Variants in SKI observed in about 807,000 individuals in gnomAD.
The protein encoded by SKI is SKI proto-oncogene.
A neutral mutation model predicts 59.3 loss-of-function variants in SKI; 23 were observed. The observed-to-expected ratio is 0.39, with a 90% CI of 0.28 to 0.55. The LOEUF is 0.55. SKI is among the 20% of genes least tolerant of loss of function. The pLI is 0.67. For synonymous variants in SKI, 673 were observed against 488.6 expected (o/e 1.38, Z -4.98); for missense variants, 1,017 against 1,038.9 (o/e 0.98, Z 0.29).
At chr1:2,239,470 G>A (rs1276136898) in intron 1 of SKI, among the ~76,000 whole-genome samples, 4 of 152,244 alleles carry the variant, frequency 2.6e-5, no homozygotes, top group Non-Finnish European at 4.4e-5. Flanking sequence ...TTGAGCTCCC[G>A]TTGGGGGAAC....
At chr1:2,262,733 T>C (rs1282737237) in intron 1 of SKI, among the ~76,000 whole-genome samples, 1 of 152,228 alleles carries the variant, frequency 6.6e-6, no homozygotes, top group Non-Finnish European at 1.5e-5. Context: ...TGTTTTTTTT[T>C]CTTAATTTAT....
intron 1 of SKI, among the ~76,000 whole-genome samples, chr1:2,241,583 C>T (rs1036156181): frequency 2.6e-5 from 4 of 152,140 alleles, no homozygotes; most frequent in African/African-American, 7.2e-5. Context: ...TTAGTAGAGA[C>T]GGGGTTTTAC....
Position 2,306,947 on chromosome 1 carries a change from C to T in SKI, c.*182C>T, listed in dbSNP as rs1640605706. The T allele has an allele frequency of 7.8e-6, 3 of 383,232 alleles. No individual in the cohort carries two copies. The highest frequency in any genetic ancestry group is 6.5e-5 in the South Asian group (1 of 15,336). The allele number at this position is 383,232 out of a possible 1,614,324, so 23.7% of individuals were successfully genotyped here. A position where few individuals can be genotyped will look rare whatever the true frequency, so the allele number is the denominator to read the frequency against. Reference sequence around the variant, plus strand: ...AACCCACTGCAAAATTTTCTACTGGCCAAGTTCAAGTGAGTAAGCCGCGTC... The same window carrying T: ...AACCCACTGCAAAATTTTCTACTGGTCAAGTTCAAGTGAGTAAGCCGCGTC... On this transcript the variant is annotated 3_prime_UTR_variant, in exon 7 of 7. Coordinates refer to ENST00000378536, the MANE Select transcript of SKI (RefSeq NM_003036.4).
intron 1 of SKI, among the ~76,000 whole-genome samples, chr1:2,290,478 C>T (rs1246765413): frequency 6.6e-6 from 1 of 152,166 alleles, no homozygotes; most frequent in Admixed American, 6.5e-5. Flanking sequence ...AGATGAGGCC[C>T]CAGGGCCTTT....
intron 1 of SKI, among the ~76,000 whole-genome samples, chr1:2,265,564 G>A (rs1170527946): frequency 6.6e-6 from 1 of 152,174 alleles, no homozygotes; most frequent in Non-Finnish European, 1.5e-5. Flanking sequence ...TGTCAATTCT[G>A]GTTGTTTGCG....
intron 1 of SKI, among the ~76,000 whole-genome samples, chr1:2,276,033 T>A (rs1639735292): frequency 6.6e-6 from 1 of 152,158 alleles, no homozygotes; most frequent in South Asian, 2.1e-4. Context: ...TTGAGCAATC[T>A]CCTTGTGCTC....
Position 2,228,951 on chromosome 1 carries a change from C to A in SKI, c.185C>A (p.Ala62Glu). The change falls in exon 1 of 7, where the codon GCG (alanine) becomes GAG (glutamate). Residue 62 changes from alanine to glutamate, a missense_variant. By Grantham distance (107) the Ala-to-Glu change is moderately radical. Transcript: ENST00000378536. ...AKEAGAAAVP[A>E]PVPAATEPPP... ...GAGGCGGGCGCGGCCGCGGTGCCGG[C>A]GCCGGTGCCCGCAGCCACCGAGCCG... 1 of 1,396,836 alleles carries A rather than the reference C, an allele frequency of 7.2e-7. No individual in the cohort carries two copies. The highest frequency in any genetic ancestry group is 1.5e-5 in the South Asian group (1 of 67,828). 86.5% of individuals were successfully genotyped at this position (1,396,836 alleles called of 1,614,324 possible).
intron 1 of SKI, among the ~76,000 whole-genome samples, chr1:2,235,871 C>T (rs184039929): frequency 1.4e-4 from 21 of 152,314 alleles, no homozygotes; most frequent in Middle Eastern, 3.4e-3. Flanking sequence ...TGTGTCCTGC[C>T]GGCCGCCTAG....
rs1052172599 is a variant in SKI at position 2,268,832 on chromosome 1, C to G, written c.970-34146C>G. ...CAGAGAGCCCCAGCTGCTGTGCTGC[C>G]GTATTCTGATTCCTTCTTCCCTCCC... is the stretch of plus-strand genomic sequence containing the variant. On this transcript the variant is annotated intron_variant, in intron 1 of 6. Transcript: ENST00000378536. This position sits in a 1 kb window ranked among gnomAD's most constrained non-coding sequence, Gnocchi z 5.0. Among the ~76,000 whole-genome samples the G allele has an allele frequency of 6.6e-6, 1 of 152,158 alleles. No homozygotes were observed. Among genetic ancestry groups the G allele is most frequent in the Non-Finnish European group, 1.5e-5 (1 of 68,020 alleles).
At chr1:2,296,011 C>T (rs888953139) in intron 1 of SKI, among the ~76,000 whole-genome samples, 3 of 152,182 alleles carry the variant, frequency 2.0e-5, no homozygotes, top group Non-Finnish European at 4.4e-5. Context: ...TTTTCCACAG[C>T]AGCTAAATAA....
chr1:2,273,228 T>G (rs1557832744), intron 1 of SKI, among the ~76,000 whole-genome samples: 2 of 152,168 alleles, frequency 1.3e-5, no homozygotes, highest in Non-Finnish European at 2.9e-5. Flanking sequence ...CCCCTCCTCC[T>G]TCCCACTGGC....
At chr1:2,284,607 C>T (rs917300996) in intron 1 of SKI, among the ~76,000 whole-genome samples, 17 of 152,262 alleles carry the variant, frequency 1.1e-4, no homozygotes, top group Middle Eastern at 3.4e-3. Flanking sequence ...AAGCTCACAC[C>T]GGCCCAGAGG....
intron 1 of SKI, among the ~76,000 whole-genome samples, chr1:2,245,245 C>A (rs1193033783): frequency 6.6e-6 from 1 of 152,270 alleles, no homozygotes; most frequent in East Asian, 1.9e-4. Context: ...CGCAGCCATG[C>A]GTAGCCTGTG....
At chr1:2,300,688 G>T (rs888553399) in intron 1 of SKI, among the ~76,000 whole-genome samples, 9 of 152,224 alleles carry the variant, frequency 5.9e-5, no homozygotes, top group African/African-American at 2.2e-4. Context: ...ATGCTGCAGA[G>T]AGCCCGCCCT....
chr1:2,237,399 GTCT>G (rs992050780), intron 1 of SKI, among the ~76,000 whole-genome samples: 8 of 152,170 alleles, frequency 5.3e-5, no homozygotes, highest in East Asian at 1.9e-4. Flanking sequence ...TTTGATGTCA[GTCT>G]TCTTCTACAG....
At chr1:2,230,447 C>T (rs1284691220) in intron 1 of SKI, among the ~76,000 whole-genome samples, 3 of 152,322 alleles carry the variant, frequency 2.0e-5, no homozygotes, top group East Asian at 1.9e-4. Context: ...ATTTGGCACC[C>T]GGCTGAGGGG....
At chr1:2,271,215 G>A (rs1374816785) in intron 1 of SKI, among the ~76,000 whole-genome samples, 1 of 152,150 alleles carries the variant, frequency 6.6e-6, no homozygotes, top group East Asian at 1.9e-4. Flanking sequence ...CCACCTCCCA[G>A]TCAGGCCCTG....
At chr1:2,278,283 G>C (rs934859441) in intron 1 of SKI, among the ~76,000 whole-genome samples, 4 of 152,204 alleles carry the variant, frequency 2.6e-5, no homozygotes, top group African/African-American at 9.6e-5. Context: ...GCCTTGCCTA[G>C]AGGCAGCAGC....
Position 2,304,599 on chromosome 1 carries a change from G to A in SKI, c.1767+14G>A, listed in dbSNP as rs1640521660. 6.5e-7 allele frequency: 1 copy of A among 1,542,064 alleles called. No homozygotes were observed. Among genetic ancestry groups the A allele is most frequent in the South Asian group, 1.2e-5 (1 of 83,006 alleles). On this transcript the variant is annotated intron_variant, in intron 5 of 6. Coordinates refer to ENST00000378536, the MANE Select transcript of SKI (RefSeq NM_003036.4). ...AGCCTCCACCAGGTGAGCGGGGCGA[G>A]TGGTGCTGGGAGGTCCAGGGCACGG...
Sources: gnomAD v4.1 joint callset for allele counts (sites outside exome capture counted in the v4.1 genomes callset) on GRCh38, gnomAD v4.1.1 for gene constraint, Gnocchi (gnomAD v3.1) non-coding constraint, MANE v1.5 for transcripts, NCBI Gene and HGNC (gene_info 2026-07-23, HGNC 2026-07-21) for gene names.